PXDC1: variants seen among roughly 807,000 people sequenced by gnomAD.
The protein encoded by PXDC1 is PX domain-containing protein 1.
In PXDC1, 13 loss-of-function variants were observed where a neutral mutation model predicts 24.4. That is an observed-to-expected ratio of 0.53 (90% CI 0.35 to 0.85). The LOEUF (loss-of-function observed/expected upper bound fraction) is 0.85. Ranked by LOEUF, PXDC1 falls within the 40% of genes least tolerant of loss-of-function variation. The pLI is 0.01. For synonymous variants in PXDC1, 162 were observed against 124.9 expected (o/e 1.30, Z -1.98); for missense variants, 344 against 309.3 (o/e 1.11, Z -0.84).
intron 4 of PXDC1, 53 bp from the exon 5 acceptor site, chr6:3,723,789 C>T: frequency 1.4e-6 from 2 of 1,387,074 alleles, no homozygotes; most frequent in South Asian, 1.2e-5. Context: ...GGATCAACAC[C>T]AAACACCCGC....
intron 3 of PXDC1, among the ~76,000 whole-genome samples, chr6:3,734,810 C>T (rs1283290831): frequency 1.3e-5 from 2 of 152,116 alleles, no homozygotes; most frequent in African/African-American, 2.4e-5. Context: ...CTAGGCCGGG[C>T]GCAGTGGCTA....
chr6:3,737,823 T>C lies in PXDC1; in HGVS notation c.348+234A>G. 2.2e-6 allele frequency: 1 copy of C among 445,308 alleles called. No homozygotes were observed. The highest frequency in any genetic ancestry group is 3.0e-6 in the Non-Finnish European group (1 of 336,930). The allele number at this position is 445,308 out of a possible 1,614,324, so 27.6% of individuals were successfully genotyped here. A position where few individuals can be genotyped will look rare whatever the true frequency, so the allele number is the denominator to read the frequency against. On this transcript the variant is annotated intron_variant, in intron 2 of 4. Coordinates refer to ENST00000380283, the MANE Select transcript of PXDC1 (RefSeq NM_183373.4). This position sits in a 1 kb window ranked among gnomAD's most constrained non-coding sequence, Gnocchi z 5.5. ...CCTTGCATCCCTCATTTTCACTCTT[T>C]CCCCAGGGAGGAAAAACCGGGGCCA...
intron 1 of PXDC1, among the ~76,000 whole-genome samples, chr6:3,739,728 C>T (rs1306482871): frequency 6.6e-6 from 1 of 152,258 alleles, no homozygotes; most frequent in East Asian, 1.9e-4. Flanking sequence ...AACAAAAGTA[C>T]CAGACTCTCC....
At position 3,724,714 on chromosome 6, in the gene PXDC1, G is replaced by A. The variant is rs1243401197; in HGVS notation, c.579-978C>T. Reference sequence around the variant, plus strand: ...TGGCCCTGGCCCGTGGACAACTGTGGGAACTCAGCCATCTCTGGAAAGCTT... The same window carrying A: ...TGGCCCTGGCCCGTGGACAACTGTGAGAACTCAGCCATCTCTGGAAAGCTT... On this transcript the variant is annotated intron_variant, in intron 4 of 4. Coordinates refer to ENST00000380283, the MANE Select transcript of PXDC1 (RefSeq NM_183373.4). This position sits in a 1 kb window ranked among gnomAD's most constrained non-coding sequence, Gnocchi z 4.5. Among the ~76,000 whole-genome samples the A allele has an allele frequency of 6.6e-6, 1 of 152,178 alleles. No homozygotes were observed. Among genetic ancestry groups the A allele is most frequent in the African/African-American group, 2.4e-5 (1 of 41,452 alleles).
chr6:3,751,214 C>T (rs1760708745), intron 1 of PXDC1, 62 bp downstream of exon 1: 1 of 1,254,288 alleles, frequency 8.0e-7, no homozygotes. Flanking sequence ...TCTTCCCCGC[C>T]TCCTTCGTGC....
intron 3 of PXDC1, among the ~76,000 whole-genome samples, chr6:3,730,860 C>G (rs532170230): frequency 6.6e-6 from 1 of 152,220 alleles, no homozygotes; most frequent in Non-Finnish European, 1.5e-5. Flanking sequence ...TCAGGAGGCA[C>G]GAGCAGGTAG....
At chr6:3,744,799 G>A (rs1354045306) in intron 1 of PXDC1, among the ~76,000 whole-genome samples, 3 of 152,268 alleles carry the variant, frequency 2.0e-5, no homozygotes, top group Non-Finnish European at 2.9e-5. Flanking sequence ...CAGGGTTCAA[G>A]TGATTCTCCT....
At chr6:3,750,895 C>T (rs1257285373) in intron 1 of PXDC1, among the ~76,000 whole-genome samples, 1 of 152,144 alleles carries the variant, frequency 6.6e-6, no homozygotes, top group East Asian at 1.9e-4. Context: ...TGCGCCCGCC[C>T]GCCGGCCCTC....
At position 3,723,437 on chromosome 6, in the gene PXDC1, G is replaced by A; in HGVS notation, c.*182C>T. On this transcript the variant is annotated 3_prime_UTR_variant, in exon 5 of 5. Coordinates refer to ENST00000380283, the MANE Select transcript of PXDC1 (RefSeq NM_183373.4). ...TTGCTGGAGACTCTGCGGTCAGCCT[G>A]GCCCACTAGGAGCCCCTGCTGCTCC... 2 of 633,240 alleles carry A rather than the reference G, an allele frequency of 3.2e-6. No individual in the cohort carries two copies. The highest frequency in any genetic ancestry group is 5.7e-6 in the Non-Finnish European group (2 of 352,190). The allele number at this position is 633,240 out of a possible 1,614,324, so 39.2% of individuals were successfully genotyped here. A position where few individuals can be genotyped will look rare whatever the true frequency, so the allele number is the denominator to read the frequency against.
chr6:3,735,299 A>C (rs1488552934), intron 3 of PXDC1, among the ~76,000 whole-genome samples: 2 of 152,226 alleles, frequency 1.3e-5, no homozygotes, highest in African/African-American at 2.4e-5. Flanking sequence ...AAATAAATCG[A>C]TATACTTACA....
intron 1 of PXDC1, chr6:3,739,148 T>C: frequency 6.0e-6 from 7 of 1,166,284 alleles, no homozygotes; most frequent in Non-Finnish European, 7.5e-6. Flanking sequence ...TTTCAAGCAA[T>C]TCGTTGAATA....
At chr6:3,742,856 G>A (rs921262099) in intron 1 of PXDC1, among the ~76,000 whole-genome samples, 9 of 152,178 alleles carry the variant, frequency 5.9e-5, no homozygotes, top group East Asian at 3.9e-4. Flanking sequence ...TCAACAGGGG[G>A]CTGCCAGCGT....
chr6:3,738,520 T>C (rs966283141), intron 1 of PXDC1, among the ~76,000 whole-genome samples: 75 of 152,246 alleles, frequency 4.9e-4, no homozygotes, highest in African/African-American at 1.8e-3. Flanking sequence ...CAGTCAGGGG[T>C]GCTGGCCCAG....
intron 1 of PXDC1, among the ~76,000 whole-genome samples, chr6:3,748,334 TGGA>T (rs1760614303): frequency 6.6e-6 from 1 of 151,932 alleles, no homozygotes; most frequent in East Asian, 1.9e-4. Flanking sequence ...CCAATCTGGA[TGGA>T]GAAGAAGGTC....
At chr6:3,751,084 A>C in intron 1 of PXDC1, 192 bp downstream of exon 1, 1 of 486,364 alleles carries the variant, frequency 2.1e-6, no homozygotes, top group Non-Finnish European at 3.5e-6. Flanking sequence ...CAGGCTGGGC[A>C]GGCTGGCTCC....
At position 3,737,196 on chromosome 6, in the gene PXDC1, A is replaced by G. The variant is rs2127600081; in HGVS notation, c.349T>C (p.Tyr117His). 2 of 1,592,900 alleles carry G rather than the reference A, an allele frequency of 1.3e-6. No individual in the cohort carries two copies. The highest frequency in any genetic ancestry group is 1.7e-6 in the Non-Finnish European group (2 of 1,160,686). Residue 117 changes from tyrosine to histidine, a missense_variant and splice_region_variant, in exon 3 of 5, where the codon TAT (tyrosine) becomes CAT (histidine). By Grantham distance (83) the Tyr-to-His change is moderately conservative. Coordinates refer to ENST00000380283, the MANE Select transcript of PXDC1 (RefSeq NM_183373.4). The surrounding 1 kb of genome is among the most constrained non-coding windows in gnomAD (Gnocchi z 5.5). ...LKTIISMPCK[Y>H]SRSEVVLTFF... ...GTGAGCACAACTTCCGATCTAGAATACTGGGGAGAAATGCAGGGATTACTA... is the reference window on the plus strand; with the variant it reads ...GTGAGCACAACTTCCGATCTAGAATGCTGGGGAGAAATGCAGGGATTACTA...
rs779539385 is a variant in PXDC1, at chr6:3,727,626, G to T, written c.503C>A (p.Thr168Asn). 1.2e-6 allele frequency: 2 copies of T among 1,613,796 alleles called. No homozygotes were observed. Among genetic ancestry groups the T allele is most frequent in the Non-Finnish European group, 1.7e-6 (2 of 1,179,690 alleles). ...ACTGTGGTCAATAACTATTGTTTCGGTATTTGCTAAACAAAATCCATTGGA... is the reference window on the plus strand; with the variant it reads ...ACTGTGGTCAATAACTATTGTTTCGTTATTTGCTAAACAAAATCCATTGGA... ...MRSNGFCLANTETIVIDHSIP... is the reference protein window; with the variant it reads ...MRSNGFCLANNETIVIDHSIP... Residue 168 changes from threonine to asparagine, a missense_variant, in exon 4 of 5, where the codon ACC (threonine) becomes AAC (asparagine). Coordinates refer to ENST00000380283, the MANE Select transcript of PXDC1 (RefSeq NM_183373.4).
chr6:3,729,905 TG>T, intron 3 of PXDC1, among the ~76,000 whole-genome samples: 1 of 152,256 alleles, frequency 6.6e-6, no homozygotes. Flanking sequence ...AATAAAATTC[TG>T]AAGAGTTACT....
rs190208507 is a variant in PXDC1, at chr6:3,727,022, C to T, written c.578+529G>A. ...CCCCCAGAATTCACCAAGAAGATGC[C>T]TGGAGGAGAGCCAAGGCTGAAGATG... On this transcript the variant is annotated intron_variant, in intron 4 of 4. Transcript: ENST00000380283. Among the ~76,000 whole-genome samples the T allele has an allele frequency of 2.1e-3, 323 of 152,360 alleles. 2 individuals carry two copies. Among genetic ancestry groups the T allele is most frequent in the African/African-American group, 7.3e-3 (305 of 41,594 alleles).
Sources: allele counts gnomAD v4.1 joint callset (sites outside exome capture counted in the v4.1 genomes callset), GRCh38; gene constraint gnomAD v4.1.1; non-coding constraint Gnocchi (gnomAD v3.1); transcripts MANE v1.5; gene names NCBI Gene and HGNC (gene_info 2026-07-23, HGNC 2026-07-21).